MYT1L: variants seen among roughly 807,000 people sequenced by gnomAD.
The protein encoded by MYT1L is myelin transcription factor 1-like protein.
Under a neutral mutation model 126.7 loss-of-function variants are expected in MYT1L, and 12 were observed. That is an observed-to-expected ratio of 0.09 (90% CI 0.06 to 0.15). MYT1L has a LOEUF of 0.15. Among genes scored for constraint, MYT1L ranks in the 10% least tolerant of loss-of-function variants. The pLI is 1.00. For missense variants in MYT1L, 979 were observed against 1,585.2 expected (o/e 0.62, Z 6.49); for synonymous variants, 541 against 604.2 (o/e 0.90, Z 1.53).
chr2:2,177,511 C>G (rs2090944786), intron 2 of MYT1L, among the ~76,000 whole-genome samples: 2 of 152,192 alleles, frequency 1.3e-5, no homozygotes, highest in African/African-American at 4.8e-5. Context: ...GTGTATTCGT[C>G]TGTTCTCACA....
Position 1,921,773 on chromosome 2 carries a change from C to T in MYT1L, c.1483+513G>A, listed in dbSNP as rs995082528. On this transcript the variant is annotated intron_variant, in intron 10 of 24. Transcript: ENST00000647738. ...TCTTATGTTATCGGTCATTCAGTTA[C>T]TGTTCAATTTCTATCAGGGGTGTTT... Among the ~76,000 whole-genome samples the T allele has an allele frequency of 2.6e-5, 4 of 152,168 alleles. No homozygotes were observed. The East Asian group carries it at 7.7e-4, about 29-fold the overall frequency.
intron 1 of MYT1L, among the ~76,000 whole-genome samples, chr2:2,313,734 CT>C (rs1394700897): frequency 6.6e-6 from 1 of 152,092 alleles, no homozygotes; most frequent in Admixed American, 6.5e-5. Flanking sequence ...TATACTCTTA[CT>C]TTTAGAGACA....
intron 2 of MYT1L, among the ~76,000 whole-genome samples, chr2:2,197,419 T>C (rs1273475801): frequency 1.3e-5 from 2 of 152,162 alleles, no homozygotes; most frequent in African/African-American, 4.8e-5. Context: ...TACTATTGAC[T>C]GTGCCCAACC....
At chr2:2,073,760 C>T (rs1357271314) in intron 3 of MYT1L, among the ~76,000 whole-genome samples, 2 of 152,166 alleles carry the variant, frequency 1.3e-5, no homozygotes, top group Admixed American at 6.5e-5. Flanking sequence ...CGTTTGACTT[C>T]CTCTTGGAGC....
At chr2:2,055,022 C>G (rs2069325758) in intron 3 of MYT1L, among the ~76,000 whole-genome samples, 1 of 152,200 alleles carries the variant, frequency 6.6e-6, no homozygotes, top group South Asian at 2.1e-4. Flanking sequence ...TGACAACAAC[C>G]TCGTATCACA....
chr2:1,869,966 C>G (rs1388734356), intron 18 of MYT1L, among the ~76,000 whole-genome samples: 1 of 152,154 alleles, frequency 6.6e-6, no homozygotes, highest in African/African-American at 2.4e-5. Context: ...AAATAAACAG[C>G]CTTCATCCAT....
intron 3 of MYT1L, among the ~76,000 whole-genome samples, chr2:2,094,920 T>C (rs963023817): frequency 2.0e-5 from 3 of 151,858 alleles, no homozygotes; most frequent in South Asian, 2.1e-4. Context: ...TTAAAGTATA[T>C]AAAAAAAAGA....
At chr2:1,959,555 G>A (rs1445900371) in intron 8 of MYT1L, among the ~76,000 whole-genome samples, 1 of 152,156 alleles carries the variant, frequency 6.6e-6, no homozygotes, top group Non-Finnish European at 1.5e-5. Flanking sequence ...CCCTCAGCCT[G>A]GAATCCCACA....
At chr2:1,851,544 G>A in intron 19 of MYT1L, 97 bp downstream of exon 19, 2 of 1,213,196 alleles carry the variant, frequency 1.6e-6, no homozygotes, top group South Asian at 2.5e-5. Context: ...TGCCCATGGT[G>A]TCAAACTTCG....
intron 2 of MYT1L, among the ~76,000 whole-genome samples, chr2:2,239,024 G>T (rs1316741635): frequency 6.6e-6 from 1 of 152,216 alleles, no homozygotes; most frequent in South Asian, 2.1e-4. Flanking sequence ...CCAGCCTACT[G>T]GCCACACTGA....
At chr2:2,320,636 C>T (rs955813358) in intron 1 of MYT1L, among the ~76,000 whole-genome samples, 1 of 152,120 alleles carries the variant, frequency 6.6e-6, no homozygotes, top group African/African-American at 2.4e-5. Context: ...AGGCCAAAAA[C>T]AGGTTTGAAT....
intron 2 of MYT1L, among the ~76,000 whole-genome samples, chr2:2,271,016 C>A (rs544875652): frequency 6.6e-6 from 1 of 152,196 alleles, no homozygotes; most frequent in Non-Finnish European, 1.5e-5. Flanking sequence ...TTCCTCCTTC[C>A]GGGGAGCATG....
chr2:2,088,476 T>C (rs962819916), intron 3 of MYT1L, among the ~76,000 whole-genome samples: 9 of 152,098 alleles, frequency 5.9e-5, no homozygotes, highest in African/African-American at 1.9e-4. Flanking sequence ...TGGGCATCAC[T>C]AGAGCGACCA....
intron 2 of MYT1L, among the ~76,000 whole-genome samples, chr2:2,198,553 C>T (rs73176088): frequency 0.031 from 4,777 of 152,176 alleles, 101 homozygotes; most frequent in Non-Finnish European, 0.042. Flanking sequence ...ACAATTACCA[C>T]GTGTCAATTA....
intron 3 of MYT1L, among the ~76,000 whole-genome samples, chr2:2,058,823 G>C (rs1032187954): frequency 6.6e-6 from 1 of 152,156 alleles, no homozygotes; most frequent in African/African-American, 2.4e-5. Context: ...TCAGAGATGA[G>C]CCCAGGGATG....
At chr2:1,964,136 T>A (rs1364145188) in intron 8 of MYT1L, among the ~76,000 whole-genome samples, 1 of 152,182 alleles carries the variant, frequency 6.6e-6, no homozygotes, top group Non-Finnish European at 1.5e-5. Context: ...AATATTATTG[T>A]GTCTCAGGGA....
intron 1 of MYT1L, among the ~76,000 whole-genome samples, chr2:2,305,676 T>G (rs1336503625): frequency 6.6e-6 from 1 of 152,112 alleles, no homozygotes; most frequent in Non-Finnish European, 1.5e-5. Context: ...ACAGGATACA[T>G]GACTGGGGAG....
intron 2 of MYT1L, among the ~76,000 whole-genome samples, chr2:2,200,105 G>A (rs2092997588): frequency 6.6e-6 from 1 of 152,108 alleles, no homozygotes; most frequent in African/African-American, 2.4e-5. Context: ...TGGCACTATA[G>A]GAAGCTGAGG....
chr2:2,292,589 C>T (rs567739198), intron 1 of MYT1L, among the ~76,000 whole-genome samples: 7 of 152,224 alleles, frequency 4.6e-5, no homozygotes, highest in East Asian at 1.9e-4. Flanking sequence ...GGGCTCAGCG[C>T]GGGGCCCTGC....
Sources: gnomAD v4.1 joint callset for allele counts (sites outside exome capture counted in the v4.1 genomes callset) on GRCh38, gnomAD v4.1.1 for gene constraint, MANE v1.5 for transcripts, NCBI Gene and HGNC (gene_info 2026-07-23, HGNC 2026-07-21) for gene names.